The following NADSYN1 variants were observed in gnomAD, a reference collection of about 807,000 sequenced individuals.
NADSYN1 encodes glutamine-dependent NAD(+) synthetase.
Under a neutral mutation model 99.3 loss-of-function variants are expected in NADSYN1, and 80 were observed. That is an observed-to-expected ratio of 0.81 (90% CI 0.67 to 0.97). The LOEUF is 0.97. Ranked by LOEUF, NADSYN1 falls within the 50% of genes least tolerant of loss-of-function variation. The probability of loss-of-function intolerance (pLI) is 0.00; values close to 1 mark genes in which losing one functional copy is unlikely to be tolerated. For synonymous variants in NADSYN1, 385 were observed against 372.1 expected, an observed-to-expected ratio of 1.03 and a Z score of -0.40; for missense variants, 859 against 948.5, an observed-to-expected ratio of 0.91 and a Z score of 1.24.
chr11:71,484,529 C>A lies in NADSYN1; in HGVS notation c.1455+82C>A, dbSNP rs547207775. The A allele has an allele frequency of 4.7e-6, 7 of 1,489,474 alleles. No individual in the cohort carries two copies. In the South Asian group the frequency reaches 7.7e-5, roughly 16 times the overall value. The allele number at this position is 1,489,474 out of a possible 1,614,324, so 92.3% of individuals were successfully genotyped here. A position where few individuals can be genotyped will look rare whatever the true frequency, so the allele number is the denominator to read the frequency against. On this transcript the variant is annotated intron_variant, in intron 15 of 20. Transcript: ENST00000319023. ...AATCACTACAGGATGTGCAGGTGCC[C>A]CCACCTGGGCCATCGTCTCCATGAA...
chr11:71,462,763 G>T (rs1949558613), intron 3 of NADSYN1, among the ~76,000 whole-genome samples: 1 of 152,174 alleles, frequency 6.6e-6, no homozygotes, highest in African/African-American at 2.4e-5. Flanking sequence ...CCTCTGGCAG[G>T]CGCCTGTGCT....
At chr11:71,486,415 CCATCCATT>C (rs1281568838) in intron 16 of NADSYN1, among the ~76,000 whole-genome samples, 3 of 152,074 alleles carry the variant, frequency 2.0e-5, no homozygotes, top group African/African-American at 7.2e-5. Context: ...ATCTGTCTGT[CCATCCATT>C]CATCCATCCA....
Position 71,472,729 on chromosome 11 carries a change from C to G in NADSYN1, c.459+229C>G, listed in dbSNP as rs141991820. ...CCTTGGGGCTGCTTTTCCTCCCTTC[C>G]CCCACTCACACTGGCTTCCTCCTCT... On this transcript the variant is annotated intron_variant, in intron 6 of 20. Transcript: ENST00000319023. Among the ~76,000 whole-genome samples, 108 of 152,340 alleles carry G rather than the reference C, an allele frequency of 7.1e-4. 2 individuals are homozygous for G. In the East Asian group the frequency reaches 0.018, roughly 25 times the overall value.
At chr11:71,470,866 C>T (rs1242443551) in intron 5 of NADSYN1, among the ~76,000 whole-genome samples, 1 of 152,188 alleles carries the variant, frequency 6.6e-6, no homozygotes, top group Non-Finnish European at 1.5e-5. Context: ...CTTTCATCTT[C>T]TTTCTAACCA....
At chr11:71,454,921 G>A (rs781038138) in intron 1 of NADSYN1, among the ~76,000 whole-genome samples, 189 bp from the exon 2 acceptor site, 9 of 152,210 alleles carry the variant, frequency 5.9e-5, no homozygotes, top group Non-Finnish European at 1.2e-4. Flanking sequence ...GTATACAGGT[G>A]TATGCTGCCC....
At position 71,464,237 on chromosome 11, in the gene NADSYN1, G is replaced by A. The variant is rs1949572431; in HGVS notation, c.407+95G>A. On this transcript the variant is annotated intron_variant, in intron 5 of 20. Transcript: ENST00000319023. ...GATCATGGGAGTGTTACCGGTGGAG[G>A]GTGTCCAGGTTTTTGACATTTTGAA... 4 of 981,004 alleles carry A rather than the reference G, an allele frequency of 4.1e-6. No homozygotes were observed. In the South Asian group the frequency reaches 4.9e-5, roughly 12 times the overall value. The allele number at this position is 981,004 out of a possible 1,614,324, so 60.8% of individuals were successfully genotyped here. A position where few individuals can be genotyped will look rare whatever the true frequency, so the allele number is the denominator to read the frequency against.
intron 17 of NADSYN1, 64 bp downstream of exon 17, chr11:71,491,040 C>T: frequency 6.3e-7 from 1 of 1,596,988 alleles, no homozygotes; most frequent in South Asian, 1.1e-5. Flanking sequence ...CGGCCCCGGC[C>T]ACCCTGGCCC....
intron 5 of NADSYN1, among the ~76,000 whole-genome samples, chr11:71,465,649 A>G (rs1949583328): frequency 6.6e-6 from 1 of 152,252 alleles, no homozygotes. Flanking sequence ...ATGTCCCCAG[A>G]CATTACCAGA....
At chr11:71,463,407 C>T (rs372778717) in intron 3 of NADSYN1, 25 bp from the exon 4 acceptor site, 63 of 1,606,906 alleles carry the variant, frequency 3.9e-5, no homozygotes, top group Non-Finnish European at 5.2e-5. Context: ...GGCAGACACA[C>T]ATGTACCTCC....
Position 71,491,913 on chromosome 11 carries a change from G to A in NADSYN1, c.1764+10G>A, listed in dbSNP as rs577392176. The stretch of plus-strand genomic sequence containing the variant: ...GTCCCAGACCGACGAGGTAATGGCG[G>A]TGGCTTTGCCATGATGCTTCCTGCC... On this transcript the variant is annotated intron_variant, in intron 18 of 20. Transcript: ENST00000319023. 1 of 1,613,084 alleles carries A rather than the reference G, an allele frequency of 6.2e-7. No individual in the cohort carries two copies. Among genetic ancestry groups the A allele is most frequent in the Admixed American group, 1.7e-5 (1 of 59,948 alleles).
chr11:71,472,250 A>G (rs368447543), intron 5 of NADSYN1, among the ~76,000 whole-genome samples, 199 bp from the exon 6 acceptor site: 1 of 152,340 alleles, frequency 6.6e-6, no homozygotes, highest in South Asian at 2.1e-4. Flanking sequence ...ACCATGTCAC[A>G]TAGTCTCCTC....
In NADSYN1 at chr11:71,463,491, C is replaced by T. The variant is rs1454172130; in HGVS notation, c.317+6C>T. On this transcript the variant is annotated splice_donor_region_variant and intron_variant, in intron 4 of 20. Transcript: ENST00000319023. ...AGAGTGATATTCCTCAACAGGTAGGCCCCCTGCCCCCACCCCGGGAGGGTG... is the reference window on the plus strand; with the variant it reads ...AGAGTGATATTCCTCAACAGGTAGGTCCCCTGCCCCCACCCCGGGAGGGTG... 1 of 1,612,914 alleles carries T rather than the reference C, an allele frequency of 6.2e-7. No homozygotes were observed.
intron 1 of NADSYN1, among the ~76,000 whole-genome samples, chr11:71,454,579 A>G (rs7944926): frequency 0.54 from 80,859 of 150,324 alleles, 25,312 homozygotes; most frequent in Non-Finnish European, 0.74. Context: ...AATCTAGTTG[A>G]ACTGAAGAAG....
rs1480625163 is a variant in NADSYN1, at chr11:71,485,568, T to C, written c.1482T>C (p.Tyr494=). ...CTCGAATACGGATGGTCCTCGCCTATCTGTTTGCTCAGTTGAGCCTCTGGT... is the reference window on the plus strand; with the variant it reads ...CTCGAATACGGATGGTCCTCGCCTACCTGTTTGCTCAGTTGAGCCTCTGGT... The part of the protein sequence containing the change: ...VQARIRMVLA[Y]LFAQLSLWSR... Residue 494 remains tyrosine, a synonymous_variant, in exon 16 of 21, where the codon TAT becomes TAC. Coordinates refer to ENST00000319023, the MANE Select transcript of NADSYN1 (RefSeq NM_018161.5). 1.1e-5 allele frequency: 17 copies of C among 1,561,740 alleles called. No homozygotes were observed. Among genetic ancestry groups the C allele is most frequent in the Non-Finnish European group, 1.5e-5 (17 of 1,152,248 alleles).
At chr11:71,463,912 G>A (rs1052429849) in intron 4 of NADSYN1, 141 bp from the exon 5 acceptor site, 6 of 641,598 alleles carry the variant, frequency 9.4e-6, no homozygotes, top group Non-Finnish European at 1.6e-5. Context: ...GAAGCCCAGA[G>A]AAGGAGAGAG....
chr11:71,454,574 A>G (rs1283685891), intron 1 of NADSYN1, among the ~76,000 whole-genome samples: 2 of 112,762 alleles, frequency 1.8e-5, no homozygotes, highest in African/African-American at 5.6e-5. Flanking sequence ...GAGCAAATCT[A>G]GTTGAACTGA....
chr11:71,455,272 C>A, intron 2 of NADSYN1, 102 bp downstream of exon 2: 2 of 1,025,040 alleles, frequency 2.0e-6, no homozygotes, highest in Non-Finnish European at 3.0e-6. Flanking sequence ...GTCCTGAGAG[C>A]TGTGGACACG....
In NADSYN1 at chr11:71,501,460, C is replaced by A; in HGVS notation, c.*108C>A. 1 of 1,063,988 alleles carries A rather than the reference C, an allele frequency of 9.4e-7. No homozygotes were observed. The highest frequency in any genetic ancestry group is 1.4e-6 in the Non-Finnish European group (1 of 732,062). The allele number at this position is 1,063,988 out of a possible 1,614,324, so 65.9% of individuals were successfully genotyped here. On this transcript the variant is annotated 3_prime_UTR_variant, in exon 21 of 21. Coordinates refer to ENST00000319023, the MANE Select transcript of NADSYN1 (RefSeq NM_018161.5). ...CCTACACTAGGAGCCCAGGATGGGA[C>A]GGCGCATCAGCCGAGAGGGAGGGAA...
chr11:71,465,283 G>A (rs1422001698), intron 5 of NADSYN1, among the ~76,000 whole-genome samples: 1 of 152,056 alleles, frequency 6.6e-6, no homozygotes, highest in African/African-American at 2.4e-5. Context: ...TCCACATCTG[G>A]GGCCCCATAC....
Sources: allele counts gnomAD v4.1 joint callset (sites outside exome capture counted in the v4.1 genomes callset), GRCh38; gene constraint gnomAD v4.1.1; transcripts MANE v1.5; gene names NCBI Gene and HGNC (gene_info 2026-07-23, HGNC 2026-07-21).